The following PVT1 variants were observed in gnomAD, a reference collection of about 807,000 sequenced individuals.
PVT1 encodes the protein CXCR4/PVT1 fusion.
chr8:127,923,641 C>T (rs1816092066), intron 3 of PVT1, among the ~76,000 whole-genome samples: 1 of 152,210 alleles, frequency 6.6e-6, no homozygotes, highest in Non-Finnish European at 1.5e-5. Flanking sequence ...GTTCACATCA[C>T]ATTAAAAGCG....
chr8:128,078,647 ATATAT>A, intron 5 of PVT1, among the ~76,000 whole-genome samples: 1 of 152,254 alleles, frequency 6.6e-6, no homozygotes, highest in South Asian at 2.1e-4. Flanking sequence ...TAGACTATAT[ATATAT>A]AAGACCTCAT....
At chr8:127,975,655 A>G (rs1480036303) in intron 3 of PVT1, among the ~76,000 whole-genome samples, 1 of 152,200 alleles carries the variant, frequency 6.6e-6, no homozygotes, top group East Asian at 1.9e-4. Context: ...TCTGCATGAA[A>G]TCACTGAACT....
intron 3 of PVT1, among the ~76,000 whole-genome samples, chr8:127,987,970 G>C (rs1410422026): frequency 6.6e-6 from 1 of 152,206 alleles, no homozygotes; most frequent in Non-Finnish European, 1.5e-5. Context: ...ACTGGACTCT[G>C]AGTGCAGGAT....
rs144530804 is a variant in PVT1, at chr8:127,801,911, T to C, written n.372+5840T>C. Among the ~76,000 whole-genome samples the C allele has an allele frequency of 1.8e-3, 266 of 151,804 alleles. 1 individual carries two copies. Among genetic ancestry groups the C allele is most frequent in the African/African-American group, 5.9e-3 (245 of 41,394 alleles). The stretch of plus-strand genomic sequence containing the variant: ...CTCATTATTTATTTATTTATTTATT[T>C]ATTTATTTATTTATTTATTTACTGA... On this transcript the variant is annotated intron_variant and non_coding_transcript_variant, in intron 2 of 10. Coordinates refer to ENST00000651587, the Ensembl canonical transcript of PVT1.
At chr8:127,957,525 G>A (rs1315209580) in intron 3 of PVT1, among the ~76,000 whole-genome samples, 2 of 135,378 alleles carry the variant, frequency 1.5e-5, no homozygotes, top group Admixed American at 8.7e-5. Context: ...CCGAGATTGC[G>A]CCACTGCACT....
chr8:127,907,706 G>A (rs1417213829), intron 3 of PVT1, among the ~76,000 whole-genome samples: 1 of 152,200 alleles, frequency 6.6e-6, no homozygotes, highest in Non-Finnish European at 1.5e-5. Flanking sequence ...ATGGCAGAAA[G>A]ATTGTGTTAA....
intron 3 of PVT1, among the ~76,000 whole-genome samples, chr8:127,915,791 G>A (rs1381978291): frequency 2.6e-5 from 4 of 152,192 alleles, no homozygotes; most frequent in African/African-American, 9.7e-5. Context: ...CTAGAATGCT[G>A]CTTTTGATCA....
intron 2 of PVT1, among the ~76,000 whole-genome samples, chr8:127,843,245 A>C (rs1814992475): frequency 6.6e-6 from 1 of 151,542 alleles, no homozygotes; most frequent in Admixed American, 6.6e-5. Context: ...AATCCCAGCT[A>C]CTCAGGAGGG....
chr8:127,956,786 T>A (rs112864538), intron 3 of PVT1, among the ~76,000 whole-genome samples: 3,266 of 152,252 alleles, frequency 0.021, 56 homozygotes, highest in Non-Finnish European at 0.031. Flanking sequence ...CCCTGCCAGT[T>A]TAATTTTTTT....
At chr8:127,849,937 A>ATT (rs1815088468) in intron 2 of PVT1, among the ~76,000 whole-genome samples, 5 of 143,170 alleles carry the variant, frequency 3.5e-5, no homozygotes, top group East Asian at 2.1e-4. Flanking sequence ...GTGGGTGCAC[A>ATT]GCCTGTACAT....
At chr8:128,079,586 C>T (rs1044937922) in intron 5 of PVT1, among the ~76,000 whole-genome samples, 8 of 152,130 alleles carry the variant, frequency 5.3e-5, no homozygotes, top group African/African-American at 1.9e-4. Flanking sequence ...AGTTTCACTG[C>T]CCTAAAATTC....
At chr8:127,975,468 C>T (rs1323257519) in intron 3 of PVT1, among the ~76,000 whole-genome samples, 1 of 152,186 alleles carries the variant, frequency 6.6e-6, no homozygotes, top group Non-Finnish European at 1.5e-5. Context: ...GGCTGCTCCT[C>T]CAGCCAAGTT....
At chr8:127,905,422 T>A (rs1207719802) in intron 3 of PVT1, among the ~76,000 whole-genome samples, 1 of 152,234 alleles carries the variant, frequency 6.6e-6, no homozygotes, top group East Asian at 1.9e-4. Context: ...AGAAGAGAAT[T>A]TCCTTTGGGA....
intron 2 of PVT1, among the ~76,000 whole-genome samples, chr8:127,809,024 C>A (rs1192343316): frequency 4.7e-5 from 3 of 63,448 alleles, no homozygotes; most frequent in African/African-American, 8.5e-5. Context: ...AGTGAGATTC[C>A]ATCTCAAAAA....
At chr8:127,897,495 AAAGGAAGG>A (rs140627372) in intron 3 of PVT1, among the ~76,000 whole-genome samples, 2 of 150,596 alleles carry the variant, frequency 1.3e-5, no homozygotes, top group East Asian at 1.9e-4. Flanking sequence ...AGAGAGAAAG[AAAGGAAGG>A]AAGGAAGGAA....
intron 2 of PVT1, among the ~76,000 whole-genome samples, chr8:127,888,195 C>A (rs1815550849): frequency 6.6e-6 from 1 of 152,170 alleles, no homozygotes; most frequent in African/African-American, 2.4e-5. Context: ...CCGCCTCGGC[C>A]TCCCAAAGTG....
chr8:128,084,721 T>G (rs1586512768), intron 5 of PVT1, among the ~76,000 whole-genome samples: 4 of 152,342 alleles, frequency 2.6e-5, no homozygotes, highest in Admixed American at 2.6e-4. Flanking sequence ...ATGAGCCTGC[T>G]CAATTGGCCC....
chr8:127,926,114 G>A (rs897925705), intron 3 of PVT1, among the ~76,000 whole-genome samples: 4 of 152,156 alleles, frequency 2.6e-5, no homozygotes, highest in Admixed American at 6.5e-5. Flanking sequence ...GTCTCTGGCC[G>A]GCTCTCTTCT....
At chr8:127,978,865 A>T (rs1397524772) in intron 3 of PVT1, among the ~76,000 whole-genome samples, 2 of 152,124 alleles carry the variant, frequency 1.3e-5, no homozygotes, top group Non-Finnish European at 2.9e-5. Context: ...AACATAACTC[A>T]GTGTATTCTT....
Sources: allele counts gnomAD v4.1 joint callset (sites outside exome capture counted in the v4.1 genomes callset), GRCh38; gene constraint gnomAD v4.1.1; transcripts MANE v1.5; gene names NCBI Gene and HGNC (gene_info 2026-07-23, HGNC 2026-07-21).